The following KHDRBS2 variants were observed in gnomAD, a reference collection of about 807,000 sequenced individuals.
The protein encoded by KHDRBS2 is KH RNA binding domain containing, signal transduction associated 2, also known as KH domain-containing, RNA-binding, signal transduction-associated protein 2.
In KHDRBS2, 26 loss-of-function variants were observed where a neutral mutation model predicts 44.3. The ratio of observed to expected loss-of-function variants is 0.59; its 90% CI spans 0.43 to 0.81. KHDRBS2 has a LOEUF of 0.81. Among genes scored for constraint, KHDRBS2 ranks in the 40% least tolerant of loss-of-function variants. The pLI, the probability that KHDRBS2 is intolerant of heterozygous loss-of-function variation, is 0.00. For missense variants in KHDRBS2, 476 were observed against 433.1 expected (o/e 1.10, Z -0.88); for synonymous variants, 194 against 151.1 (o/e 1.28, Z -2.08).
intron 6 of KHDRBS2, among the ~76,000 whole-genome samples, chr6:61,857,084 A>G (rs1423838086): frequency 1.3e-5 from 2 of 152,028 alleles, no homozygotes; most frequent in East Asian, 3.9e-4. Flanking sequence ...TATTCATAGT[A>G]ATTCCAGTAA....
chr6:61,677,254 G>A (rs1765996189), downstream of KHDRBS2, among the ~76,000 whole-genome samples: 1 of 151,818 alleles, frequency 6.6e-6, no homozygotes, highest in Admixed American at 6.6e-5. Context: ...TTCTTTCATT[G>A]CTTTATCAGA....
At chr6:61,726,175 T>A (rs761057655) in intron 7 of KHDRBS2, among the ~76,000 whole-genome samples, 1 of 150,002 alleles carries the variant, frequency 6.7e-6, no homozygotes, top group Non-Finnish European at 1.5e-5. Flanking sequence ...GTTCATCGCA[T>A]AAACAGAACT....
chr6:62,106,054 G>T (rs1430791676), intron 2 of KHDRBS2, among the ~76,000 whole-genome samples: 1 of 152,154 alleles, frequency 6.6e-6, no homozygotes, highest in Admixed American at 6.5e-5. Context: ...TCATTCAGGA[G>T]CAGGTTGTTC....
chr6:61,725,056 C>A (rs1773341948), intron 7 of KHDRBS2, among the ~76,000 whole-genome samples: 3 of 151,964 alleles, frequency 2.0e-5, no homozygotes, highest in African/African-American at 7.2e-5. Context: ...AGCACATAAT[C>A]AAGTAAAACA....
chr6:62,242,502 T>G (rs1373292075), intron 1 of KHDRBS2, among the ~76,000 whole-genome samples: 1 of 152,084 alleles, frequency 6.6e-6, no homozygotes, highest in Admixed American at 6.6e-5. Flanking sequence ...AGCAAAATAG[T>G]CTTTACGCAT....
At chr6:62,075,915 T>C (rs1297208766) in intron 2 of KHDRBS2, among the ~76,000 whole-genome samples, 1 of 115,256 alleles carries the variant, frequency 8.7e-6, no homozygotes, top group African/African-American at 3.4e-5. Context: ...CTCTCTCTCT[T>C]CTATTTTTAA....
At position 61,988,350 on chromosome 6, in the gene KHDRBS2, G is replaced by T. The variant is rs116500356; in HGVS notation, c.337-10138C>A. On this transcript the variant is annotated intron_variant, in intron 3 of 8. Coordinates refer to ENST00000281156, the MANE Select transcript of KHDRBS2 (RefSeq NM_152688.4). Reference sequence around the variant, plus strand: ...GAGAGACTTGTTTTCCTACATTTCAGTTGCCTATTAATTAGTGTACTCACA... The same window carrying T: ...GAGAGACTTGTTTTCCTACATTTCATTTGCCTATTAATTAGTGTACTCACA... 3.6e-3 allele frequency among the ~76,000 whole-genome samples: 554 copies of T among 152,288 alleles called. 4 individuals carry two copies. Among genetic ancestry groups the T allele is most frequent in the African/African-American group, 0.012 (512 of 41,574 alleles).
chr6:61,684,004 T>A (rs1010759826), intron 8 of KHDRBS2, among the ~76,000 whole-genome samples: 2 of 152,000 alleles, frequency 1.3e-5, no homozygotes, highest in Non-Finnish European at 2.9e-5. Flanking sequence ...ATTGTTTACA[T>A]GTTCTTGGTA....
chr6:61,914,168 T>TTACCAG (rs1243115200), intron 4 of KHDRBS2, among the ~76,000 whole-genome samples: 2 of 152,054 alleles, frequency 1.3e-5, no homozygotes, highest in Non-Finnish European at 2.9e-5. Flanking sequence ...GCAGTCATCT[T>TTACCAG]TACCAGTACC....
Position 62,130,437 on chromosome 6 carries a change from T to A in KHDRBS2, c.219+46748A>T, listed in dbSNP as rs1429049058. On this transcript the variant is annotated intron_variant, in intron 2 of 8. Transcript: ENST00000281156. ...TTAAATTCTTGATTCATTAGTTTCT[T>A]CATCTGTAAAAGGAGAATAAAAATA... is the stretch of plus-strand genomic sequence containing the variant. 3.3e-5 allele frequency among the ~76,000 whole-genome samples: 5 copies of A among 152,220 alleles called. No individual in the cohort carries two copies. The East Asian group carries it at 9.6e-4, about 29-fold the overall frequency.
At chr6:61,595,131 T>TA in the KHDRBS2 span, among the ~76,000 whole-genome samples, 11 of 152,134 alleles carry the variant, frequency 7.2e-5, no homozygotes, top group African/African-American at 2.4e-4. Context: ...AAATTCTTAT[T>TA]AAAAATCAAA....
intron 2 of KHDRBS2, among the ~76,000 whole-genome samples, chr6:62,093,289 C>T (rs1799827519): frequency 6.6e-6 from 1 of 150,658 alleles, no homozygotes; most frequent in Non-Finnish European, 1.5e-5. Context: ...TTACTAAATC[C>T]AAGAATAAAA....
At position 61,680,639 on chromosome 6, in the gene KHDRBS2, C is replaced by CAA. The variant is rs200395967; in HGVS notation, c.*322_*323dup. On this transcript the variant is annotated 3_prime_UTR_variant, in exon 9 of 9. Transcript: ENST00000281156. ...CTGTTAACAAATTCATGCTTTTCCT[C>CAA]AAAAAAAAAAAAAAGAAAAAGAAAA... is the stretch of plus-strand genomic sequence containing the variant. The CAA allele has an allele frequency of 2.3e-3, 299 of 131,316 alleles. No homozygotes were observed. Among genetic ancestry groups the CAA allele is most frequent in the Middle Eastern group, 0.016 (4 of 254 alleles). The allele number at this position is 131,316 out of a possible 1,614,324, so 8.1% of individuals were successfully genotyped here.
chr6:61,713,591 T>G (rs1770885168), intron 7 of KHDRBS2, among the ~76,000 whole-genome samples: 1 of 151,646 alleles, frequency 6.6e-6, no homozygotes, highest in Admixed American at 6.6e-5. Flanking sequence ...CTTTTTTTTT[T>G]TTTTCCCTTA....
intron 1 of KHDRBS2, among the ~76,000 whole-genome samples, chr6:62,205,605 A>G (rs1827812873): frequency 6.6e-6 from 1 of 152,102 alleles, no homozygotes; most frequent in African/African-American, 2.4e-5. Flanking sequence ...GATGGTCAGG[A>G]CACAGGAAAG....
At chr6:61,720,789 C>T (rs1282695457) in intron 7 of KHDRBS2, among the ~76,000 whole-genome samples, 2 of 151,372 alleles carry the variant, frequency 1.3e-5, no homozygotes, top group Non-Finnish European at 3.0e-5. Flanking sequence ...TTAATTAGAT[C>T]CCATTTGTCA....
At chr6:61,679,314 T>C (rs941928846), downstream of KHDRBS2, among the ~76,000 whole-genome samples, 18 of 151,948 alleles carry the variant, frequency 1.2e-4, no homozygotes, top group African/African-American at 4.3e-4. Context: ...TTTATTGCCT[T>C]GAGGGTTATA....
In KHDRBS2 at chr6:62,098,017, A is replaced by C. The variant is rs535871074; in HGVS notation, c.220-50023T>G. The stretch of plus-strand genomic sequence containing the variant: ...GGAAATGAAACAAACAAACAAAAAA[A>C]GTCTACACTATAATTCTATTCCCCC... On this transcript the variant is annotated intron_variant, in intron 2 of 8. Coordinates refer to ENST00000281156, the MANE Select transcript of KHDRBS2 (RefSeq NM_152688.4). Among the ~76,000 whole-genome samples, 13 of 152,238 alleles carry C rather than the reference A, an allele frequency of 8.5e-5. No individual in the cohort carries two copies. In the South Asian group the frequency reaches 2.5e-3, roughly 29 times the overall value.
intron 2 of KHDRBS2, among the ~76,000 whole-genome samples, chr6:62,053,710 T>A (rs1205343868): frequency 6.6e-6 from 1 of 151,898 alleles, no homozygotes; most frequent in Admixed American, 6.6e-5. Flanking sequence ...AGATGCACAT[T>A]CTTGACACTT....
Sources: gnomAD v4.1 joint callset for allele counts (sites outside exome capture counted in the v4.1 genomes callset) on GRCh38, gnomAD v4.1.1 for gene constraint, MANE v1.5 for transcripts, NCBI Gene and HGNC (gene_info 2026-07-23, HGNC 2026-07-21) for gene names.